Variants in ZNF567 observed in about 807,000 individuals in gnomAD.
ZNF567 encodes zinc finger protein 567.
In ZNF567, 36 loss-of-function variants were observed where a neutral mutation model predicts 53.9. The ratio of observed to expected loss-of-function variants is 0.67; its 90% CI spans 0.51 to 0.88. The LOEUF (loss-of-function observed/expected upper bound fraction) is 0.88. Ranked by LOEUF, ZNF567 falls within the 40% of genes least tolerant of loss-of-function variation. The probability of loss-of-function intolerance (pLI) is 0.00; values close to 1 mark genes in which losing one functional copy is unlikely to be tolerated. For synonymous variants in ZNF567, 224 were observed against 260.4 expected (o/e 0.86, Z 1.35); for missense variants, 619 against 764.7 (o/e 0.81, Z 2.25).
upstream of ZNF567, chr19:36,685,859 A>G (rs2038256796): frequency 6.6e-6 from 1 of 152,194 alleles, no homozygotes; most frequent in Non-Finnish European, 1.5e-5. Context: ...TCTGCTGATC[A>G]TATTCATGTG....
At chr19:36,712,332 AC>A in intron 3 of ZNF567, 53 bp from the exon 4 acceptor site, 1 of 1,570,540 alleles carries the variant, frequency 6.4e-7, no homozygotes, top group Non-Finnish European at 8.7e-7. Flanking sequence ...ACAGGCATGA[AC>A]CACTGTACCT....
chr19:36,723,052 A>C, downstream of ZNF567: 1 of 616,476 alleles, frequency 1.6e-6, no homozygotes. Flanking sequence ...TAGGACTTAT[A>C]ATCAGAACTG....
chr19:36,699,424 T>C (rs892542344), intron 3 of ZNF567, among the ~76,000 whole-genome samples: 2 of 152,190 alleles, frequency 1.3e-5, no homozygotes, highest in African/African-American at 4.8e-5. Context: ...TGGTTCCATA[T>C]GAACTTTAAA....
intron 3 of ZNF567, among the ~76,000 whole-genome samples, chr19:36,703,253 C>T (rs1012879728): frequency 3.9e-5 from 6 of 152,230 alleles, no homozygotes; most frequent in African/African-American, 9.6e-5. Context: ...TTTCGTGATC[C>T]GCAAATGCTG....
At chr19:36,723,702 C>T (rs1233955944), downstream of ZNF567, among the ~76,000 whole-genome samples, 8 of 151,856 alleles carry the variant, frequency 5.3e-5, no homozygotes, top group East Asian at 1.2e-3. Flanking sequence ...GGTGTGGTGG[C>T]GCATTCCTGT....
the ZNF567 span, among the ~76,000 whole-genome samples, chr19:36,679,114 G>T: frequency 6.6e-6 from 1 of 151,952 alleles, no homozygotes; most frequent in Non-Finnish European, 1.5e-5. Context: ...GTGAAACCCC[G>T]TCTCTAATAA....
At chr19:36,695,802 G>A (rs1464872741) in intron 3 of ZNF567, among the ~76,000 whole-genome samples, 3 of 152,004 alleles carry the variant, frequency 2.0e-5, no homozygotes, top group African/African-American at 7.2e-5. Context: ...AAATGAAAAT[G>A]TATTACTGAA....
the ZNF567 span, among the ~76,000 whole-genome samples, chr19:36,682,367 A>G: frequency 6.6e-6 from 1 of 151,650 alleles, no homozygotes; most frequent in African/African-American, 2.4e-5. Flanking sequence ...ATGTATCTAT[A>G]TACTTAGAAA....
chr19:36,690,571 A>G, intron 2 of ZNF567, among the ~76,000 whole-genome samples: 1 of 152,230 alleles, frequency 6.6e-6, no homozygotes, highest in Non-Finnish European at 1.5e-5. Flanking sequence ...AGCCTGGGCA[A>G]CAGAGTGAGA....
chr19:36,667,254 T>TC, the ZNF567 span, among the ~76,000 whole-genome samples: 1 of 152,220 alleles, frequency 6.6e-6, no homozygotes, highest in East Asian at 1.9e-4. Context: ...AAAAAAATTT[T>TC]TTTTTTGGCC....
At chr19:36,687,105 TACAC>T (rs887633347), upstream of ZNF567, among the ~76,000 whole-genome samples, 170 of 152,216 alleles carry the variant, frequency 1.1e-3, 2 homozygotes, top group African/African-American at 3.9e-3. Context: ...CTTTACCCGT[TACAC>T]ACACAACACC....
intron 5 of ZNF567, among the ~76,000 whole-genome samples, chr19:36,715,181 G>C (rs921787688): frequency 1.3e-5 from 2 of 151,772 alleles, no homozygotes; most frequent in Non-Finnish European, 2.9e-5. Flanking sequence ...TTATTTTTGA[G>C]ATGGAGTCCT....
rs771081603 is a variant in ZNF567, at chr19:36,719,646, C to T, written c.922C>T (p.Pro308Ser). The change falls in exon 6 of 6, where the codon CCC becomes TCC. Residue 308 changes from proline (P) to serine (S), a missense_variant. Coordinates refer to ENST00000682579, the MANE Select transcript of ZNF567 (RefSeq NM_001322917.1). ...TCAGAGAACTCACACAGGAGAGAAA[C>T]CCTTTGTTTGCAATGAATGTGGTAA... ...DHQRTHTGEKPFVCNECGKSF... is the reference protein window; with the variant it reads ...DHQRTHTGEKSFVCNECGKSF... 2 of 1,613,942 alleles carry T rather than the reference C, an allele frequency of 1.2e-6. No homozygotes were observed. Among genetic ancestry groups the T allele is most frequent in the Middle Eastern group, 1.6e-4 (1 of 6,062 alleles).
At chr19:36,721,985 C>T (rs369798146), downstream of ZNF567, among the ~76,000 whole-genome samples, 12 of 152,046 alleles carry the variant, frequency 7.9e-5, no homozygotes, top group East Asian at 1.4e-3. Flanking sequence ...CTTCATGATC[C>T]GCCTGCCTCG....
chr19:36,709,179 G>A (rs556886037), intron 3 of ZNF567, among the ~76,000 whole-genome samples: 25 of 152,040 alleles, frequency 1.6e-4, no homozygotes, highest in African/African-American at 3.1e-4. Context: ...CATTTGAAAC[G>A]TTTGAAAACA....
chr19:36,724,004 CTTTT>C (rs536627641), downstream of ZNF567, among the ~76,000 whole-genome samples: 3 of 98,352 alleles, frequency 3.1e-5, no homozygotes, highest in Admixed American at 2.3e-4. Context: ...TTCTGTATTT[CTTTT>C]TTTTTTTTTT....
intron 3 of ZNF567, among the ~76,000 whole-genome samples, chr19:36,703,405 T>G (rs1024250025): frequency 5.3e-5 from 8 of 152,146 alleles, no homozygotes; most frequent in African/African-American, 9.7e-5. Flanking sequence ...GGAGGCAGTC[T>G]GCCCGTTCTC....
At chr19:36,697,087 G>A (rs1478356712) in intron 3 of ZNF567, among the ~76,000 whole-genome samples, 3 of 152,124 alleles carry the variant, frequency 2.0e-5, no homozygotes, top group East Asian at 1.9e-4. Context: ...GTTTAAATAC[G>A]AGAATAATAA....
chr19:36,712,011 G>C (rs1218947044), intron 3 of ZNF567: 1 of 159,742 alleles, frequency 6.3e-6, no homozygotes, highest in East Asian at 1.9e-4. Context: ...AGGAAGCAGG[G>C]TCAAAAGTAG....
Sources: allele counts gnomAD v4.1 joint callset (sites outside exome capture counted in the v4.1 genomes callset), GRCh38; gene constraint gnomAD v4.1.1; transcripts MANE v1.5; gene names NCBI Gene and HGNC (gene_info 2026-07-23, HGNC 2026-07-21).